PIP5K1B: variants seen among roughly 807,000 people sequenced by gnomAD.
The protein encoded by PIP5K1B is phosphatidylinositol 4-phosphate 5-kinase type-1 beta.
A neutral mutation model predicts 67.0 loss-of-function variants in PIP5K1B; 42 were observed. The ratio of observed to expected loss-of-function variants is 0.63; its 90% CI spans 0.49 to 0.81. The LOEUF is 0.81. PIP5K1B is among the 30% of genes least tolerant of loss of function. The pLI is 0.00. For missense variants in PIP5K1B, 459 were observed against 646.3 expected, an observed-to-expected ratio of 0.71 and a Z score of 3.14; for synonymous variants, 214 against 231.4, an observed-to-expected ratio of 0.92 and a Z score of 0.68.
At chr9:68,805,415 A>G (rs960250644) in intron 2 of PIP5K1B, among the ~76,000 whole-genome samples, 9 of 152,246 alleles carry the variant, frequency 5.9e-5, no homozygotes, top group African/African-American at 2.2e-4. Flanking sequence ...GTAGCTAAAA[A>G]TAGTCATCAC....
At chr9:68,877,802 T>C (rs1823976488) in intron 6 of PIP5K1B, among the ~76,000 whole-genome samples, 1 of 152,206 alleles carries the variant, frequency 6.6e-6, no homozygotes, top group South Asian at 2.1e-4. Context: ...AAGAAAATCA[T>C]ATGACTTCTG....
chr9:68,753,111 C>T (rs905197099), intron 2 of PIP5K1B, among the ~76,000 whole-genome samples: 1 of 151,656 alleles, frequency 6.6e-6, no homozygotes, highest in South Asian at 2.1e-4. Flanking sequence ...GCCAGTTAAC[C>T]AAACTGATTT....
intron 4 of PIP5K1B, among the ~76,000 whole-genome samples, chr9:68,858,364 A>G (rs1822890227): frequency 6.6e-6 from 1 of 152,066 alleles, no homozygotes; most frequent in Admixed American, 6.6e-5. Context: ...TTAGAATTAG[A>G]CTCTCAAAAT....
At chr9:68,780,202 C>T in intron 2 of PIP5K1B, 2 of 1,536,200 alleles carry the variant, frequency 1.3e-6, no homozygotes, top group South Asian at 1.3e-5. Flanking sequence ...CTGGAGCTGC[C>T]TCCGGGTACG....
At chr9:68,809,913 C>T (rs1240752976) in intron 2 of PIP5K1B, among the ~76,000 whole-genome samples, 2 of 152,204 alleles carry the variant, frequency 1.3e-5, no homozygotes, top group African/African-American at 2.4e-5. Context: ...AGACGAGTAC[C>T]TGTCCTTGTC....
chr9:68,811,278 A>G (rs557822216), intron 2 of PIP5K1B, among the ~76,000 whole-genome samples: 76 of 152,104 alleles, frequency 5.0e-4, no homozygotes, highest in African/African-American at 1.7e-3. Context: ...GTTTTGTTTT[A>G]TGGCCCATCA....
At chr9:68,780,674 G>A (rs774006651) in intron 2 of PIP5K1B, 12 of 1,614,102 alleles carry the variant, frequency 7.4e-6, no homozygotes, top group African/African-American at 1.3e-5. Flanking sequence ...GCAACGGATT[G>A]CCTCCAAGCC....
chr9:68,913,268 A>C (rs1394181334), intron 8 of PIP5K1B, among the ~76,000 whole-genome samples: 1 of 152,222 alleles, frequency 6.6e-6, no homozygotes, highest in Non-Finnish European at 1.5e-5. Flanking sequence ...CTGTATTTGC[A>C]TTGTAACCTG....
chr9:69,000,443 C>T (rs1830773089), intron 15 of PIP5K1B, among the ~76,000 whole-genome samples: 1 of 152,068 alleles, frequency 6.6e-6, no homozygotes, highest in African/African-American at 2.4e-5. Context: ...CAAAGTACCC[C>T]AGATTTGGTG....
chr9:68,990,723 G>C (rs1051775237), intron 14 of PIP5K1B, among the ~76,000 whole-genome samples: 11 of 151,476 alleles, frequency 7.3e-5, no homozygotes, highest in African/African-American at 2.7e-4. Flanking sequence ...GAGTGCAGTG[G>C]TGCGATCTCA....
chr9:69,006,577 A>G (rs1831092203), intron 15 of PIP5K1B, among the ~76,000 whole-genome samples: 1 of 152,192 alleles, frequency 6.6e-6, no homozygotes, highest in African/African-American at 2.4e-5. Context: ...AGACTCAAAG[A>G]CAACTATTAT....
At chr9:68,925,821 A>G (rs1180738178) in intron 12 of PIP5K1B, among the ~76,000 whole-genome samples, 1 of 3,176 alleles carries the variant, frequency 3.1e-4, no homozygotes, top group African/African-American at 3.4e-4. Flanking sequence ...TTTTTGAGAC[A>G]GGGTCTCACT....
At chr9:68,773,856 G>T (rs1261504225) in intron 2 of PIP5K1B, among the ~76,000 whole-genome samples, 1 of 152,100 alleles carries the variant, frequency 6.6e-6, no homozygotes, top group Non-Finnish European at 1.5e-5. Flanking sequence ...AAATTGAATG[G>T]TTGGTAAGTT....
At chr9:68,883,482 CT>C (rs1824301542) in intron 6 of PIP5K1B, among the ~76,000 whole-genome samples, 1 of 152,174 alleles carries the variant, frequency 6.6e-6, no homozygotes, top group South Asian at 2.1e-4. Context: ...TTGCTTCTTT[CT>C]TTTCTGGGAT....
At chr9:68,921,589 T>C (rs568455079) in intron 11 of PIP5K1B, among the ~76,000 whole-genome samples, 1 of 152,260 alleles carries the variant, frequency 6.6e-6, no homozygotes, top group African/African-American at 2.4e-5. Flanking sequence ...CTTTCTCTAT[T>C]TAAAACCCAA....
At chr9:68,910,598 T>G (rs556142198) in intron 8 of PIP5K1B, among the ~76,000 whole-genome samples, 1 of 152,318 alleles carries the variant, frequency 6.6e-6, no homozygotes, top group African/African-American at 2.4e-5. Flanking sequence ...GTCAAACCAG[T>G]CTTTGTTGAG....
At chr9:68,949,142 G>A (rs1330796693) in intron 14 of PIP5K1B, among the ~76,000 whole-genome samples, 1 of 151,620 alleles carries the variant, frequency 6.6e-6, no homozygotes, top group African/African-American at 2.4e-5. Context: ...TCTTAATTCT[G>A]GAACTAAAAC....
intron 11 of PIP5K1B, among the ~76,000 whole-genome samples, chr9:68,922,127 C>T (rs116969109): frequency 0.014 from 2,104 of 152,276 alleles, 26 homozygotes; most frequent in Non-Finnish European, 0.02. Flanking sequence ...AATGTGTCCA[C>T]TTCAGGCAGA....
Position 68,914,730 on chromosome 9 carries a change from CAAAT to C in PIP5K1B, c.772-2802_772-2799del, listed in dbSNP as rs552372368. 1.4e-3 allele frequency among the ~76,000 whole-genome samples: 212 copies of C among 151,898 alleles called. 1 individual carries two copies. Among genetic ancestry groups the C allele is most frequent in the African/African-American group, 4.9e-3 (203 of 41,430 alleles). ...ACTCCATCTCAATAAAAAAAATAAA[CAAAT>C]AAATAAATAAATAAAAAGAAAAAGA... On this transcript the variant is annotated intron_variant, in intron 8 of 15. Transcript: ENST00000265382.
Sources: allele counts gnomAD v4.1 joint callset (sites outside exome capture counted in the v4.1 genomes callset), GRCh38; gene constraint gnomAD v4.1.1; transcripts MANE v1.5; gene names NCBI Gene and HGNC (gene_info 2026-07-23, HGNC 2026-07-21).